The following PCBP3 variants were observed in gnomAD, a reference collection of about 807,000 sequenced individuals.
The protein encoded by PCBP3 is poly(rC) binding protein 3.
PCBP3 carries 25 observed loss-of-function variants against 52.7 expected under a neutral mutation model. The ratio of observed to expected loss-of-function variants is 0.47; its 90% CI spans 0.35 to 0.66. The LOEUF (loss-of-function observed/expected upper bound fraction) is 0.66. PCBP3 is among the 30% of genes least tolerant of loss of function. The pLI, the probability that PCBP3 is intolerant of heterozygous loss-of-function variation, is 0.01. For synonymous variants in PCBP3, 162 were observed against 183.0 expected, an observed-to-expected ratio of 0.89 and a Z score of 0.93; for missense variants, 391 against 490.3, an observed-to-expected ratio of 0.80 and a Z score of 1.91.
chr21:45,770,300 T>G (rs725930), intron 4 of PCBP3, among the ~76,000 whole-genome samples: 24,375 of 152,256 alleles, frequency 0.16, 2,150 homozygotes, highest in African/African-American at 0.23. Context: ...AAGCCAAATA[T>G]AATTTTTTAT....
At chr21:45,856,457 G>C (rs1405046867) in intron 5 of PCBP3, among the ~76,000 whole-genome samples, 1 of 152,232 alleles carries the variant, frequency 6.6e-6, no homozygotes, top group Non-Finnish European at 1.5e-5. Flanking sequence ...GAGTGTTGGA[G>C]GTGGGTCTGG....
At chr21:45,777,144 C>T (rs2090321509) in intron 4 of PCBP3, among the ~76,000 whole-genome samples, 1 of 151,804 alleles carries the variant, frequency 6.6e-6, no homozygotes, top group Admixed American at 6.6e-5. Flanking sequence ...CTTGAAAGGA[C>T]TTTATTTACA....
intron 5 of PCBP3, among the ~76,000 whole-genome samples, chr21:45,889,264 C>T (rs1245015677): frequency 6.6e-6 from 1 of 152,212 alleles, no homozygotes. Flanking sequence ...CTGCCGTCAG[C>T]AGCTGCATGC....
chr21:45,674,062 A>C (rs1444901032), intron 2 of PCBP3, among the ~76,000 whole-genome samples: 1 of 152,196 alleles, frequency 6.6e-6, no homozygotes, highest in East Asian at 1.9e-4. Flanking sequence ...TTTGAAGATA[A>C]TGAGATTTTG....
intron 13 of PCBP3, among the ~76,000 whole-genome samples, chr21:45,923,454 C>T (rs2074757504): frequency 6.6e-6 from 1 of 152,246 alleles, no homozygotes. Context: ...GGAGTTCCAT[C>T]TTTCCTTGCT....
At chr21:45,869,874 G>A (rs556096589) in intron 5 of PCBP3, among the ~76,000 whole-genome samples, 8 of 152,336 alleles carry the variant, frequency 5.3e-5, no homozygotes, top group South Asian at 2.1e-4. Context: ...TGCTGTGGCC[G>A]CACTGGGGTT....
chr21:45,855,816 C>T (rs1166902113), intron 5 of PCBP3, among the ~76,000 whole-genome samples: 4 of 152,258 alleles, frequency 2.6e-5, no homozygotes, highest in African/African-American at 9.6e-5. Flanking sequence ...AGACAGAAAA[C>T]CTCCTGCCAG....
At chr21:45,659,174 G>A (rs2080218127) in intron 1 of PCBP3, among the ~76,000 whole-genome samples, 1 of 150,162 alleles carries the variant, frequency 6.7e-6, no homozygotes, top group South Asian at 2.1e-4. Context: ...TCTTCCACTT[G>A]CAAAGGTTTA....
intron 2 of PCBP3, among the ~76,000 whole-genome samples, chr21:45,734,221 C>T (rs2085678960): frequency 6.6e-6 from 1 of 152,212 alleles, no homozygotes; most frequent in Admixed American, 6.5e-5. Context: ...TACTGCAAGG[C>T]TCCTGCAGCC....
Position 45,656,606 on chromosome 21 carries a change from C to T in PCBP3, c.-278-12268C>T, listed in dbSNP as rs193008755. On this transcript the variant is annotated intron_variant, in intron 1 of 17. Transcript: ENST00000681687. This position sits in a 1 kb window ranked among gnomAD's most constrained non-coding sequence, Gnocchi z 4.3. Reference sequence around the variant, plus strand: ...TGTATACCTGTGTAACAAACCTGCACGTTCTGCACATGTATTCCAGAACTT... The same window carrying T: ...TGTATACCTGTGTAACAAACCTGCATGTTCTGCACATGTATTCCAGAACTT... 2.0e-5 allele frequency among the ~76,000 whole-genome samples: 3 copies of T among 151,848 alleles called. No individual in the cohort carries two copies. In the East Asian group the frequency reaches 5.8e-4, roughly 29 times the overall value.
chr21:45,661,934 A>G (rs958578862), intron 1 of PCBP3, among the ~76,000 whole-genome samples: 2 of 152,066 alleles, frequency 1.3e-5, no homozygotes, highest in African/African-American at 4.8e-5. Flanking sequence ...GGCCATTTGT[A>G]TATCTTTTGA....
Position 45,827,471 on chromosome 21 carries a change from C to T in PCBP3, c.-125-22490C>T, listed in dbSNP as rs553198997. The stretch of plus-strand genomic sequence containing the variant: ...ACCAACACCCAGATGACATGGGCAC[C>T]GAAGTTACCCAACAGGGCTTTTAAA... On this transcript the variant is annotated intron_variant, in intron 4 of 17. Transcript: ENST00000681687. This position sits in a 1 kb window ranked among gnomAD's most constrained non-coding sequence, Gnocchi z 4.3. 5.3e-5 allele frequency among the ~76,000 whole-genome samples: 8 copies of T among 152,110 alleles called. No individual in the cohort carries two copies. Among genetic ancestry groups the T allele is most frequent in the Admixed American group, 2.0e-4 (3 of 15,280 alleles).
intron 5 of PCBP3, among the ~76,000 whole-genome samples, chr21:45,862,793 T>G (rs1477474545): frequency 6.6e-6 from 1 of 152,244 alleles, no homozygotes; most frequent in Non-Finnish European, 1.5e-5. Context: ...GGCTTCTCTT[T>G]GCATTCACAT....
At chr21:45,669,771 A>G (rs1471312303) in intron 2 of PCBP3, among the ~76,000 whole-genome samples, 2 of 141,430 alleles carry the variant, frequency 1.4e-5, no homozygotes, top group Admixed American at 7.2e-5. Flanking sequence ...CCTTTTTAAG[A>G]CTGAATAATA....
At chr21:45,930,737 T>TATCTC (rs763929713) in intron 14 of PCBP3, 49 bp from the exon 15 acceptor site, 42 of 882,856 alleles carry the variant, frequency 4.8e-5, no homozygotes, top group Non-Finnish European at 7.4e-5. Flanking sequence ...GGACCCTGCT[T>TATCTC]ATCTCCTTGA....
rs887978854 is a variant in PCBP3, at chr21:45,896,179, C to T, written c.11-29C>T. The T allele has an allele frequency of 9.0e-6, 14 of 1,549,126 alleles. No individual in the cohort carries two copies. In the African/African-American group the frequency reaches 1.9e-4, roughly 21 times the overall value. ...TGTGCGTGGTCCGTGAGACTCTTCT[C>T]TAGCAGCAGCTGTGCCTTCTCTCTC... On this transcript the variant is annotated intron_variant, in intron 5 of 17. Coordinates refer to ENST00000681687, the MANE Select transcript of PCBP3 (RefSeq NM_001384156.1).
intron 5 of PCBP3, among the ~76,000 whole-genome samples, chr21:45,850,634 T>C (rs1287675336): frequency 1.3e-5 from 2 of 152,204 alleles, no homozygotes; most frequent in Non-Finnish European, 2.9e-5. Flanking sequence ...AACATATCCC[T>C]TCAAGAAGTA....
At chr21:45,789,675 A>G (rs1289673318) in intron 4 of PCBP3, among the ~76,000 whole-genome samples, 1 of 152,184 alleles carries the variant, frequency 6.6e-6, no homozygotes, top group African/African-American at 2.4e-5. Context: ...CCAGGAGGTG[A>G]GGAGCAGGTC....
intron 4 of PCBP3, among the ~76,000 whole-genome samples, chr21:45,783,310 T>G (rs937200060): frequency 6.6e-6 from 1 of 152,370 alleles, no homozygotes; most frequent in Admixed American, 6.5e-5. Context: ...TCTATTGATG[T>G]CTGTGTTATG....
Sources: gnomAD v4.1 joint callset for allele counts (sites outside exome capture counted in the v4.1 genomes callset) on GRCh38, gnomAD v4.1.1 for gene constraint, Gnocchi (gnomAD v3.1) non-coding constraint, MANE v1.5 for transcripts, NCBI Gene and HGNC (gene_info 2026-07-23, HGNC 2026-07-21) for gene names.